CNTNAP2: variants seen among roughly 807,000 people sequenced by gnomAD.
The protein encoded by CNTNAP2 is contactin-associated protein-like 2.
CNTNAP2 carries 98 observed loss-of-function variants against 155.2 expected under a neutral mutation model. That is an observed-to-expected ratio of 0.63 (90% CI 0.54 to 0.75). CNTNAP2 has a LOEUF of 0.75. Among genes scored for constraint, CNTNAP2 ranks in the 30% least tolerant of loss-of-function variants. The pLI is 0.00. For missense variants in CNTNAP2, 1,727 were observed against 1,688.1 expected, an observed-to-expected ratio of 1.02 and a Z score of -0.40; for synonymous variants, 651 against 631.2, an observed-to-expected ratio of 1.03 and a Z score of -0.47.
intron 13 of CNTNAP2, among the ~76,000 whole-genome samples, chr7:147,893,312 A>G (rs1799723388): frequency 6.6e-6 from 1 of 152,330 alleles, no homozygotes; most frequent in Middle Eastern, 3.4e-3. Flanking sequence ...TGAGAAAAAA[A>G]GTATTAAAAG....
chr7:147,387,679 T>C (rs1318830304), intron 9 of CNTNAP2, among the ~76,000 whole-genome samples: 2 of 152,200 alleles, frequency 1.3e-5, no homozygotes, highest in Non-Finnish European at 2.9e-5. Context: ...GGTATCCATC[T>C]CAAACATTTA....
chr7:147,742,158 C>T (rs750371128), intron 13 of CNTNAP2, among the ~76,000 whole-genome samples: 1 of 152,152 alleles, frequency 6.6e-6, no homozygotes, highest in African/African-American at 2.4e-5. Flanking sequence ...CCACTGGGTC[C>T]CTCTCACAAC....
intron 8 of CNTNAP2, among the ~76,000 whole-genome samples, chr7:147,275,494 G>A (rs1187939602): frequency 6.6e-6 from 1 of 151,948 alleles, no homozygotes; most frequent in Admixed American, 6.6e-5. Context: ...TGCTATTGGT[G>A]TATAGAAATG....
chr7:148,002,049 A>G (rs1801907971), intron 15 of CNTNAP2, among the ~76,000 whole-genome samples: 1 of 152,218 alleles, frequency 6.6e-6, no homozygotes, highest in Non-Finnish European at 1.5e-5. Context: ...ACTAAAAAAG[A>G]TCATTAAGTT....
chr7:147,861,927 G>A (rs575952661), intron 13 of CNTNAP2, among the ~76,000 whole-genome samples: 1 of 145,682 alleles, frequency 6.9e-6, no homozygotes, highest in Non-Finnish European at 1.5e-5. Flanking sequence ...GAACCCAGGA[G>A]GCAGAAGTTG....
At chr7:147,183,872 A>T (rs1246359706) in intron 8 of CNTNAP2, among the ~76,000 whole-genome samples, 1 of 152,216 alleles carries the variant, frequency 6.6e-6, no homozygotes, top group Non-Finnish European at 1.5e-5. Context: ...GTACTTGCCC[A>T]GTAAAGTGGT....
intron 1 of CNTNAP2, among the ~76,000 whole-genome samples, chr7:146,487,365 A>G (rs369417691): frequency 2.6e-5 from 4 of 152,238 alleles, no homozygotes; most frequent in African/African-American, 9.6e-5. Context: ...CCCAAGAAAT[A>G]AAAACGCTAA....
chr7:148,021,856 G>T (rs1802284713), intron 15 of CNTNAP2, among the ~76,000 whole-genome samples: 1 of 152,208 alleles, frequency 6.6e-6, no homozygotes, highest in African/African-American at 2.4e-5. Context: ...CGGAGGCCGG[G>T]TGAGCGTGGG....
At chr7:148,365,744 A>G (rs71534747) in intron 21 of CNTNAP2, among the ~76,000 whole-genome samples, 40,781 of 73,930 alleles carry the variant, frequency 0.55, 17,204 homozygotes, top group Admixed American at 0.74. Flanking sequence ...ATGTGTATAC[A>G]TGTATACATG....
chr7:148,314,302 C>A (rs1254598703), intron 21 of CNTNAP2, among the ~76,000 whole-genome samples: 1 of 152,062 alleles, frequency 6.6e-6, no homozygotes, highest in African/African-American at 2.4e-5. Flanking sequence ...TGTCAGGCAC[C>A]TCAGACCATT....
chr7:146,136,780 C>G (rs376532516), intron 1 of CNTNAP2, among the ~76,000 whole-genome samples: 29 of 152,230 alleles, frequency 1.9e-4, no homozygotes, highest in African/African-American at 6.0e-4. Flanking sequence ...GGCTCTAAGC[C>G]GGCCCTCTCA....
chr7:148,332,871 A>C, intron 21 of CNTNAP2, among the ~76,000 whole-genome samples: 1 of 152,144 alleles, frequency 6.6e-6, no homozygotes, highest in East Asian at 1.9e-4. Context: ...ATAAATCTGC[A>C]AAAAAAGAAA....
chr7:147,746,743 G>T (rs118112660), intron 13 of CNTNAP2, among the ~76,000 whole-genome samples: 27,526 of 151,868 alleles, frequency 0.18, 2,949 homozygotes, highest in Middle Eastern at 0.38. Flanking sequence ...TAAAATACAC[G>T]CATTTTGGTA....
chr7:146,521,198 G>T (rs1231586391), intron 1 of CNTNAP2, among the ~76,000 whole-genome samples: 3 of 151,822 alleles, frequency 2.0e-5, no homozygotes, highest in Non-Finnish European at 1.5e-5. Context: ...AAGCTCTTTA[G>T]GATATAAAGT....
At chr7:146,304,887 C>G (rs1239354313) in intron 1 of CNTNAP2, among the ~76,000 whole-genome samples, 1 of 152,030 alleles carries the variant, frequency 6.6e-6, no homozygotes, top group African/African-American at 2.4e-5. Context: ...TCCATTCTCC[C>G]CCTCACTTTC....
intron 20 of CNTNAP2, among the ~76,000 whole-genome samples, chr7:148,234,113 T>G (rs1435982584): frequency 1.3e-5 from 2 of 152,232 alleles, no homozygotes; most frequent in Admixed American, 1.3e-4. Flanking sequence ...TAGTTCTTTA[T>G]AGCAGTGCAA....
At chr7:146,781,885 A>C (rs941806011) in intron 2 of CNTNAP2, among the ~76,000 whole-genome samples, 14 of 152,174 alleles carry the variant, frequency 9.2e-5, no homozygotes, top group African/African-American at 3.1e-4. Context: ...CAGCGCGTCC[A>C]TGAGGGCATT....
intron 1 of CNTNAP2, among the ~76,000 whole-genome samples, chr7:146,757,072 A>G (rs772787794): frequency 6.6e-6 from 1 of 152,120 alleles, no homozygotes; most frequent in African/African-American, 2.4e-5. Flanking sequence ...ATTTCGAGTC[A>G]GTGATTTAGA....
At chr7:147,898,316 C>G (rs1469711155) in intron 13 of CNTNAP2, among the ~76,000 whole-genome samples, 1 of 152,196 alleles carries the variant, frequency 6.6e-6, no homozygotes, top group African/African-American at 2.4e-5. Flanking sequence ...ACTGGAATAT[C>G]TGAGAAAGTA....
Sources: allele counts gnomAD v4.1 joint callset (sites outside exome capture counted in the v4.1 genomes callset), GRCh38; gene constraint gnomAD v4.1.1; transcripts MANE v1.5; gene names NCBI Gene and HGNC (gene_info 2026-07-23, HGNC 2026-07-21).